Variants in OSBPL1A observed in about 807,000 individuals in gnomAD.
OSBPL1A encodes the protein oxysterol-binding protein-related protein 1.
Under a neutral mutation model 137.1 loss-of-function variants are expected in OSBPL1A, and 80 were observed. The observed-to-expected ratio is 0.58, with a 90% CI of 0.49 to 0.70. OSBPL1A has a LOEUF of 0.70. Ranked by LOEUF, OSBPL1A falls within the 30% of genes least tolerant of loss-of-function variation. The pLI is 0.00. For synonymous variants in OSBPL1A, 365 were observed against 389.7 expected, an observed-to-expected ratio of 0.94 and a Z score of 0.75; for missense variants, 970 against 1,129.4, an observed-to-expected ratio of 0.86 and a Z score of 2.02.
At chr18:24,370,777 C>T (rs1905561803) in intron 2 of OSBPL1A, among the ~76,000 whole-genome samples, 1 of 152,214 alleles carries the variant, frequency 6.6e-6, no homozygotes, top group Admixed American at 6.5e-5. Context: ...AAGCAACTCT[C>T]CCACCTCAGC....
rs1242176081 is a variant in OSBPL1A at position 24,200,092 on chromosome 18, C to CA, written c.1602-3893dup. On this transcript the variant is annotated intron_variant, in intron 17 of 27. Transcript: ENST00000319481. ...TAGCATTTCAACATATAAATACATA[C>CA]AAAAAATGATGTTATACTTTTTTCC... 4.6e-5 allele frequency among the ~76,000 whole-genome samples: 7 copies of CA among 152,248 alleles called. No individual in the cohort carries two copies. In the East Asian group the frequency reaches 7.7e-4, roughly 17 times the overall value.
Position 24,269,292 on chromosome 18 carries a change from A to G in OSBPL1A, c.1281+11550T>C, listed in dbSNP as rs575384664. 2.0e-3 allele frequency among the ~76,000 whole-genome samples: 306 copies of G among 152,344 alleles called. 2 individuals carry two copies. Among genetic ancestry groups the G allele is most frequent in the African/African-American group, 7.1e-3 (296 of 41,570 alleles). ...TTCGAACTCTATAAGCATACTTTAC[A>G]AAGTCCTTCAAAAGGACCCCGCTTC... On this transcript the variant is annotated intron_variant, in intron 15 of 27. Coordinates refer to ENST00000319481, the MANE Select transcript of OSBPL1A (RefSeq NM_080597.4).
chr18:24,222,016 C>G (rs967343485), intron 17 of OSBPL1A, among the ~76,000 whole-genome samples: 7 of 152,126 alleles, frequency 4.6e-5, no homozygotes, highest in Non-Finnish European at 8.8e-5. Context: ...TTTTTTATTT[C>G]TAAGTTTTAT....
chr18:24,283,281 A>AAAAAAATATAT (rs1246058393), intron 14 of OSBPL1A, among the ~76,000 whole-genome samples: 5 of 78,364 alleles, frequency 6.4e-5, no homozygotes, highest in African/African-American at 2.1e-4. Context: ...AAAAAAAAAA[A>AAAAAAATATAT]ATATATATAT....
chr18:24,266,594 C>T (rs889432782), intron 15 of OSBPL1A, among the ~76,000 whole-genome samples: 6 of 152,216 alleles, frequency 3.9e-5, no homozygotes, highest in Middle Eastern at 3.4e-3. Context: ...AAATGCCAAG[C>T]AGTGGAAACA....
intron 17 of OSBPL1A, among the ~76,000 whole-genome samples, chr18:24,213,685 T>C (rs1599502318): frequency 6.6e-6 from 1 of 152,224 alleles, no homozygotes; most frequent in Non-Finnish European, 1.5e-5. Flanking sequence ...TACTTATCTA[T>C]AGTCTATGAT....
At chr18:24,341,113 C>T (rs1356585433) in intron 5 of OSBPL1A, among the ~76,000 whole-genome samples, 3 of 152,182 alleles carry the variant, frequency 2.0e-5, no homozygotes, top group Non-Finnish European at 2.9e-5. Context: ...CTCCTCCCTC[C>T]GCCTCCCAAG....
chr18:24,228,641 G>A (rs1360764733), intron 16 of OSBPL1A, among the ~76,000 whole-genome samples: 1 of 152,156 alleles, frequency 6.6e-6, no homozygotes. Context: ...GGGGCAGCGG[G>A]CTACAAAGGA....
chr18:24,234,813 T>A (rs1398869592), intron 16 of OSBPL1A, among the ~76,000 whole-genome samples: 1 of 152,214 alleles, frequency 6.6e-6, no homozygotes, highest in Non-Finnish European at 1.5e-5. Flanking sequence ...TTTTTTTTCA[T>A]ACCTTCTCAA....
intron 17 of OSBPL1A, among the ~76,000 whole-genome samples, chr18:24,201,784 T>C (rs933315572): frequency 6.6e-6 from 1 of 151,920 alleles, no homozygotes; most frequent in Non-Finnish European, 1.5e-5. Flanking sequence ...AAAGAAATTG[T>C]ATGTTATTTG....
At chr18:24,218,302 G>A (rs1455580972) in intron 17 of OSBPL1A, 1 of 152,178 alleles carries the variant, frequency 6.6e-6, no homozygotes, top group Non-Finnish European at 1.5e-5. Context: ...TGAAATGAGT[G>A]CCTGCTTTGG....
At chr18:24,196,273 T>C in intron 17 of OSBPL1A, 73 bp from the exon 18 acceptor site, 3 of 1,018,874 alleles carry the variant, frequency 2.9e-6, no homozygotes, top group South Asian at 2.7e-5. Flanking sequence ...CTGCTTTCAT[T>C]CACATGAGAG....
At chr18:24,218,332 T>G (rs1285865381) in intron 17 of OSBPL1A, 1 of 152,206 alleles carries the variant, frequency 6.6e-6, no homozygotes, top group East Asian at 1.9e-4. Flanking sequence ...TACTAAACAT[T>G]GAAATGATAC....
chr18:24,341,388 G>A (rs1270653441), intron 5 of OSBPL1A, among the ~76,000 whole-genome samples, 159 bp downstream of exon 5: 1 of 152,178 alleles, frequency 6.6e-6, no homozygotes, highest in Non-Finnish European at 1.5e-5. Flanking sequence ...CTATCATATA[G>A]ATAATTGTGT....
chr18:24,392,554 T>C (rs1466998572), intron 1 of OSBPL1A, among the ~76,000 whole-genome samples: 1 of 152,260 alleles, frequency 6.6e-6, no homozygotes, highest in African/African-American at 2.4e-5. Flanking sequence ...ATTTTATGAA[T>C]GTTACATTAA....
At chr18:24,254,990 A>C (rs1286575915) in intron 15 of OSBPL1A, among the ~76,000 whole-genome samples, 3 of 152,204 alleles carry the variant, frequency 2.0e-5, no homozygotes, top group African/African-American at 7.2e-5. Flanking sequence ...AAACCTAAAT[A>C]AATAAAATCA....
intron 16 of OSBPL1A, among the ~76,000 whole-genome samples, chr18:24,236,455 T>C (rs760361995): frequency 2.0e-5 from 3 of 152,164 alleles, no homozygotes; most frequent in Non-Finnish European, 4.4e-5. Flanking sequence ...ATGATTTCAA[T>C]GAATTGGGTG....
chr18:24,336,525 AT>A (rs2091177703), intron 5 of OSBPL1A, among the ~76,000 whole-genome samples: 1 of 152,248 alleles, frequency 6.6e-6, no homozygotes, highest in African/African-American at 2.4e-5. Context: ...TTCTACAGAA[AT>A]CGTTCTAAAG....
rs891267259 is a variant in OSBPL1A, at chr18:24,162,659, G to C, written c.*520C>G. 3.9e-5 allele frequency: 6 copies of C among 152,066 alleles called. No homozygotes were observed. Among genetic ancestry groups the C allele is most frequent in the Non-Finnish European group, 1.5e-5 (1 of 68,026 alleles). 9.4% of individuals were successfully genotyped at this position (152,066 alleles called of 1,614,324 possible). On this transcript the variant is annotated 3_prime_UTR_variant, in exon 28 of 28. Coordinates refer to ENST00000319481, the MANE Select transcript of OSBPL1A (RefSeq NM_080597.4). ...CTTGGAAGATGGAAGGGGTAACATT[G>C]GGAGGATTAGTATGAATAAAAGCCA...
Sources: allele counts gnomAD v4.1 joint callset (sites outside exome capture counted in the v4.1 genomes callset), GRCh38; gene constraint gnomAD v4.1.1; transcripts MANE v1.5; gene names NCBI Gene and HGNC (gene_info 2026-07-23, HGNC 2026-07-21).